VWA8: variants seen among roughly 807,000 people sequenced by gnomAD.
The protein encoded by VWA8 is von Willebrand factor A domain containing 8, also known as von Willebrand factor A domain-containing protein 8.
Under a neutral mutation model 241.5 loss-of-function variants are expected in VWA8, and 221 were observed. The observed-to-expected ratio is 0.91, with a 90% confidence interval of 0.82 to 1.02. The LOEUF (loss-of-function observed/expected upper bound fraction) is 1.02, where lower values mean the gene tolerates loss of function less well. Among genes scored for constraint, VWA8 ranks in the 50% least tolerant of loss-of-function variants. The pLI, the probability that VWA8 is intolerant of heterozygous loss-of-function variation, is 0.00. For missense variants in VWA8, 2,322 were observed against 2,328.7 expected (o/e 1.00, Z 0.06); for synonymous variants, 852 against 827.1 (o/e 1.03, Z -0.52).
chr13:41,908,421 G>A (rs185248503), intron 3 of VWA8, among the ~76,000 whole-genome samples: 36 of 151,448 alleles, frequency 2.4e-4, no homozygotes, highest in African/African-American at 7.8e-4. Context: ...GCAGTAAGCC[G>A]AGATCACACC....
At chr13:41,769,958 A>C (rs1274586521) in intron 20 of VWA8, among the ~76,000 whole-genome samples, 1 of 152,216 alleles carries the variant, frequency 6.6e-6, no homozygotes, top group Non-Finnish European at 1.5e-5. Flanking sequence ...CATAGTGAGA[A>C]AATACTATAA....
chr13:41,889,354 T>C (rs1235659317), intron 5 of VWA8, among the ~76,000 whole-genome samples: 2 of 151,770 alleles, frequency 1.3e-5, no homozygotes, highest in African/African-American at 4.8e-5. Flanking sequence ...TCTCACTTAA[T>C]AATAAGCATT....
chr13:41,774,225 C>G (rs1463495410), intron 20 of VWA8, among the ~76,000 whole-genome samples: 1 of 152,108 alleles, frequency 6.6e-6, no homozygotes, highest in African/African-American at 2.4e-5. Context: ...CTGCAGCCTC[C>G]GTCTCCCAGG....
chr13:41,960,813 G>T (rs1468712316), intron 1 of VWA8, 40 bp downstream of exon 1: 23 of 1,498,800 alleles, frequency 1.5e-5, no homozygotes, highest in Non-Finnish European at 1.9e-5. Flanking sequence ...GGCACGGAGC[G>T]CAGGGGCACC....
At position 41,729,802 on chromosome 13, in the gene VWA8, C is replaced by CGTAG. The variant is rs1405006957; in HGVS notation, c.2503-126_2503-125insCTAC. 5 of 271,824 alleles carry CGTAG rather than the reference C, an allele frequency of 1.8e-5. No individual in the cohort carries two copies. In the Admixed American group the frequency reaches 1.9e-4, roughly 10 times the overall value. The allele number at this position is 271,824 out of a possible 1,614,324, so 16.8% of individuals were successfully genotyped here. ...TAAGTTACAAGTATACACGTAGACA[C>CGTAG]ACACACACACACACACACACACACA... is the stretch of plus-strand genomic sequence containing the variant. On this transcript the variant is annotated intron_variant, in intron 22 of 44. Transcript: ENST00000379310.
intron 3 of VWA8, among the ~76,000 whole-genome samples, chr13:41,910,745 T>C (rs914676339): frequency 1.3e-5 from 2 of 152,188 alleles, no homozygotes; most frequent in Non-Finnish European, 2.9e-5. Context: ...GTTCTAGGGA[T>C]AAATAAAAGA....
chr13:41,845,257 CAGTT>C (rs1251119264), intron 12 of VWA8, among the ~76,000 whole-genome samples: 1 of 152,020 alleles, frequency 6.6e-6, no homozygotes, highest in Non-Finnish European at 1.5e-5. Flanking sequence ...CCTCTCACAT[CAGTT>C]AGAATGCCTA....
chr13:41,769,473 G>A (rs79636550), intron 20 of VWA8, among the ~76,000 whole-genome samples: 2,882 of 152,234 alleles, frequency 0.019, 93 homozygotes, highest in African/African-American at 0.064. Context: ...GGTTCATTAC[G>A]TACTCTACGT....
intron 26 of VWA8, among the ~76,000 whole-genome samples, chr13:41,703,890 G>GT (rs1241490375): frequency 6.7e-6 from 1 of 148,758 alleles, no homozygotes; most frequent in Non-Finnish European, 1.5e-5. Flanking sequence ...CAATTCTTTT[G>GT]TTTTAGCCTT....
chr13:41,601,363 A>G (rs1227339197), intron 40 of VWA8, among the ~76,000 whole-genome samples: 1 of 152,174 alleles, frequency 6.6e-6, no homozygotes, highest in Admixed American at 6.6e-5. Flanking sequence ...TGTGCTACAC[A>G]ATCAGTGTTC....
intron 29 of VWA8, among the ~76,000 whole-genome samples, chr13:41,694,510 C>A (rs1422984712): frequency 6.6e-6 from 1 of 151,808 alleles, no homozygotes; most frequent in South Asian, 2.1e-4. Flanking sequence ...CACTACTTGA[C>A]AGTTTTGAAA....
intron 42 of VWA8, among the ~76,000 whole-genome samples, chr13:41,583,628 G>C (rs2044398064): frequency 7.6e-6 from 1 of 132,040 alleles, no homozygotes; most frequent in Non-Finnish European, 1.5e-5. Context: ...GGGTGACCGA[G>C]CAAGACTCCA....
chr13:41,691,432 C>G lies in VWA8; in HGVS notation c.3754G>C (p.Val1252Leu). 1.2e-6 allele frequency: 2 copies of G among 1,612,382 alleles called. No individual in the cohort carries two copies. Among genetic ancestry groups the G allele is most frequent in the Non-Finnish European group, 8.5e-7 (1 of 1,178,884 alleles). Reference protein sequence around the residue: ...FYKEKGNSLTVLDVLEGRTHT... With the variant: ...FYKEKGNSLTLLDVLEGRTHT... ...GTTCGCCCTTCTAGAACATCCAGCA[C>G]AGTCAGGCTGTTCCTGGAAAAGAAG... is the stretch of plus-strand genomic sequence containing the variant. Residue 1252 changes from valine (V) to leucine (L), a missense_variant, in exon 32 of 45, where the codon GTG (valine) becomes CTG (leucine). By Grantham distance (32) the Val-to-Leu change is conservative. Transcript: ENST00000379310.
chr13:41,744,901 A>G (rs2045593098), intron 21 of VWA8, among the ~76,000 whole-genome samples: 1 of 151,886 alleles, frequency 6.6e-6, no homozygotes. Flanking sequence ...GCAGTGGCGC[A>G]ATCTCGGCAT....
At chr13:41,936,698 T>A (rs889622139) in intron 2 of VWA8, among the ~76,000 whole-genome samples, 6 of 152,208 alleles carry the variant, frequency 3.9e-5, no homozygotes, top group Non-Finnish European at 7.4e-5. Context: ...ATAGTGACTA[T>A]AGTTATTAAC....
At position 41,772,416 on chromosome 13, in the gene VWA8, T is replaced by C. The variant is rs981754146; in HGVS notation, c.2349+5569A>G. On this transcript the variant is annotated intron_variant, in intron 20 of 44. Coordinates refer to ENST00000379310, the MANE Select transcript of VWA8 (RefSeq NM_015058.2). ...AAATAAATAGCCATCTCTCTTTTTG[T>C]TAATTGGAAAGTCATACTGTGACAA... is the stretch of plus-strand genomic sequence containing the variant. 5.9e-5 allele frequency among the ~76,000 whole-genome samples: 9 copies of C among 151,878 alleles called. 1 individual carries two copies. In the South Asian group the frequency reaches 1.9e-3, roughly 32 times the overall value.
rs759153232 is a variant in VWA8 at position 41,570,645 on chromosome 13, T to C, written c.5432A>G (p.His1811Arg). The C allele has an allele frequency of 6.2e-7, 1 of 1,614,276 alleles. No homozygotes were observed. Reference protein sequence around the residue: ...SGDHTLEGTEHAIKEIVKEEA... With the variant: ...SGDHTLEGTERAIKEIVKEEA... ...TTCTTTGACAATTTCCTTGATGGCA[T>C]GTTCTGTCCCTTCTAACGTGTGGTC... The change falls in exon 44 of 45, where the codon CAT becomes CGT. Residue 1811 changes from histidine to arginine, a missense_variant. By Grantham distance (29) the His-to-Arg change is conservative (BLOSUM62 0). Transcript: ENST00000379310.
At chr13:41,869,630 TCAAAAAAAAAAAAAAA>T (rs1873491804) in intron 9 of VWA8, among the ~76,000 whole-genome samples, 1 of 24,410 alleles carries the variant, frequency 4.1e-5, no homozygotes, top group Non-Finnish European at 7.3e-5. Flanking sequence ...AAACTTTGTC[TCAAAAAAAAAAAAAAA>T]AAAAAAAAAA....
At chr13:41,930,685 C>T (rs762285880) in intron 2 of VWA8, among the ~76,000 whole-genome samples, 5 of 152,178 alleles carry the variant, frequency 3.3e-5, no homozygotes, top group Non-Finnish European at 7.3e-5. Flanking sequence ...AAAAACAGAA[C>T]TACCTTCAGG....
Sources: allele counts gnomAD v4.1 joint callset (sites outside exome capture counted in the v4.1 genomes callset), GRCh38; gene constraint gnomAD v4.1.1; transcripts MANE v1.5; gene names NCBI Gene and HGNC (gene_info 2026-07-23, HGNC 2026-07-21).